ECI1: variants seen among roughly 807,000 people sequenced by gnomAD.
ECI1 encodes the protein enoyl-CoA delta isomerase 1.
Under a neutral mutation model 34.2 loss-of-function variants are expected in ECI1, and 34 were observed. That is an observed-to-expected ratio of 1.00 (90% CI 0.76 to 1.33). ECI1 has a LOEUF of 1.33. ECI1 is among the 40% of genes most tolerant of loss of function. ECI1 has a pLI of 0.00. For missense variants in ECI1, 456 were observed against 422.2 expected (o/e 1.08, Z -0.70); for synonymous variants, 211 against 193.0 (o/e 1.09, Z -0.77).
Position 2,239,842 on chromosome 16 carries a change from A to G in ECI1, c.*137T>C, listed in dbSNP as rs990091271. 1.0e-6 allele frequency: 1 copy of G among 962,210 alleles called. No individual in the cohort carries two copies. The allele number at this position is 962,210 out of a possible 1,614,324, so 59.6% of individuals were successfully genotyped here. A position where few individuals can be genotyped will look rare whatever the true frequency, so the allele number is the denominator to read the frequency against. On this transcript the variant is annotated 3_prime_UTR_variant, in exon 7 of 7. Transcript: ENST00000301729. Reference sequence around the variant, plus strand: ...TGGCTGGGCCTTGGGCCACTGGGCTATGAGGAACAGGAACTTCTACGTAAC... The same window carrying G: ...TGGCTGGGCCTTGGGCCACTGGGCTGTGAGGAACAGGAACTTCTACGTAAC...
At chr16:2,244,308 C>T in intron 4 of ECI1, 98 bp downstream of exon 4, 3 of 1,398,226 alleles carry the variant, frequency 2.1e-6, no homozygotes, top group East Asian at 2.4e-5. Flanking sequence ...CCGTCCCCTT[C>T]CCCTGTGAGA....
At position 2,239,740 on chromosome 16, in the gene ECI1, G is replaced by C. The variant is rs1228859122; in HGVS notation, c.*239C>G. On this transcript the variant is annotated 3_prime_UTR_variant, in exon 7 of 7. Coordinates refer to ENST00000301729, the MANE Select transcript of ECI1 (RefSeq NM_001919.4). ...AGGTCCAGAATGGCATCCCCTGCCA[G>C]TCACAATCCCAAGTCAAAAGGCTGC... The C allele has an allele frequency of 7.2e-6, 4 of 556,054 alleles. No homozygotes were observed. In the African/African-American group the frequency reaches 7.6e-5, roughly 11 times the overall value. The allele number at this position is 556,054 out of a possible 1,614,324, so 34.4% of individuals were successfully genotyped here.
At chr16:2,245,263 A>AC (rs1170364489) in intron 3 of ECI1, among the ~76,000 whole-genome samples, 2 of 152,020 alleles carry the variant, frequency 1.3e-5, no homozygotes, top group Admixed American at 6.6e-5. Flanking sequence ...CGAGGGCCAG[A>AC]CCCCCCAAGG....
intron 3 of ECI1, among the ~76,000 whole-genome samples, chr16:2,245,927 T>C (rs1311140258): frequency 2.0e-5 from 3 of 152,150 alleles, no homozygotes; most frequent in South Asian, 4.1e-4. Flanking sequence ...ATCACGTCAC[T>C]GTACTCCAGC....
rs973347360 is a variant in ECI1 at position 2,239,700 on chromosome 16, C to T, written c.*279G>A. On this transcript the variant is annotated 3_prime_UTR_variant, in exon 7 of 7. Coordinates refer to ENST00000301729, the MANE Select transcript of ECI1 (RefSeq NM_001919.4). The stretch of plus-strand genomic sequence containing the variant: ...TTCTGCCTTGGGAACAGAGACACTC[C>T]GTGGCAACCTCACCAGGTCCAGAAT... 1.5e-5 allele frequency: 7 copies of T among 475,960 alleles called. No homozygotes were observed. The highest frequency in any genetic ancestry group is 5.9e-5 in the African/African-American group (3 of 50,836). 29.5% of individuals were successfully genotyped at this position (475,960 alleles called of 1,614,324 possible). A position where few individuals can be genotyped will look rare whatever the true frequency, so the allele number is the denominator to read the frequency against.
In ECI1 at chr16:2,239,730, T is replaced by A; in HGVS notation, c.*249A>T. ...CAACCTCACCAGGTCCAGAATGGCA[T>A]CCCCTGCCAGTCACAATCCCAAGTC... On this transcript the variant is annotated 3_prime_UTR_variant, in exon 7 of 7. Coordinates refer to ENST00000301729, the MANE Select transcript of ECI1 (RefSeq NM_001919.4). 1 of 539,074 alleles carries A rather than the reference T, an allele frequency of 1.9e-6. No homozygotes were observed. The highest frequency in any genetic ancestry group is 2.0e-5 in the South Asian group (1 of 50,242). 33.4% of individuals were successfully genotyped at this position (539,074 alleles called of 1,614,324 possible).
intron 1 of ECI1, 33 bp downstream of exon 1, chr16:2,251,482 C>G (rs1189023653): frequency 6.5e-7 from 1 of 1,549,598 alleles, no homozygotes; most frequent in Non-Finnish European, 8.7e-7. Context: ...GCCCCGGCCC[C>G]GGCCCGATCC....
chr16:2,242,540 T>C (rs927625125), intron 6 of ECI1: 2 of 181,014 alleles, frequency 1.1e-5, no homozygotes, highest in African/African-American at 4.7e-5. Flanking sequence ...CCCTAACCAC[T>C]GCTCTGGAAC....
chr16:2,249,876 C>CAAAAA (rs869259386), intron 2 of ECI1, among the ~76,000 whole-genome samples: 2,427 of 20,342 alleles, frequency 0.12, 815 homozygotes, highest in Admixed American at 0.17. Flanking sequence ...GACTCCGTCT[C>CAAAAA]AAAAAAAAAA....
intron 3 of ECI1, among the ~76,000 whole-genome samples, chr16:2,246,149 C>T (rs982955253): frequency 6.6e-6 from 1 of 152,214 alleles, no homozygotes; most frequent in African/African-American, 2.4e-5. Flanking sequence ...CCTGACACTG[C>T]TTACTGCCCC....
intron 4 of ECI1, among the ~76,000 whole-genome samples, chr16:2,243,809 G>GC (rs1247211242): frequency 6.6e-6 from 1 of 152,314 alleles, no homozygotes; most frequent in Non-Finnish European, 1.5e-5. Flanking sequence ...CCCCAAGGGG[G>GC]CCCCGATACC....
chr16:2,249,774 C>A (rs544145747), intron 2 of ECI1, among the ~76,000 whole-genome samples: 3 of 139,356 alleles, frequency 2.2e-5, no homozygotes, highest in South Asian at 4.9e-4. Flanking sequence ...GCTACTTGGG[C>A]GGCTGAGGTA....
chr16:2,240,056 C>G lies in ECI1; in HGVS notation c.832G>C (p.Val278Leu). 6.2e-7 allele frequency: 1 copy of G among 1,613,980 alleles called. No homozygotes were observed. Among genetic ancestry groups the G allele is most frequent in the Non-Finnish European group, 8.5e-7 (1 of 1,180,022 alleles). Residue 278 changes from valine to leucine, a missense_variant, in exon 7 of 7, where the codon GTC (valine) becomes CTC (leucine). By Grantham distance (32) the Val-to-Leu change is conservative (BLOSUM62 1). Transcript: ENST00000301729. ...ATGGAGTCTTTGGAGATGAAGCTGA[C>G]GAAGTTCTGCACGTCCGCATCGCGC... ...TQRDADVQNF[V>L]SFISKDSIQK...
Position 2,246,994 on chromosome 16 carries a change from A to G in ECI1, c.167-8T>C. On this transcript the variant is annotated splice_polypyrimidine_tract_variant and splice_region_variant and intron_variant, in intron 2 of 6. Coordinates refer to ENST00000301729, the MANE Select transcript of ECI1 (RefSeq NM_001919.4). The stretch of plus-strand genomic sequence containing the variant: ...ATTTCATCACAGCGACCCCTAATTT[A>G]AAGAATGAGAAGAGAAAGCTCACAC... 1 of 1,612,472 alleles carries G rather than the reference A, an allele frequency of 6.2e-7. No individual in the cohort carries two copies.
chr16:2,250,279 A>G (rs939690662), intron 2 of ECI1, among the ~76,000 whole-genome samples: 1 of 150,054 alleles, frequency 6.7e-6, no homozygotes, highest in Non-Finnish European at 1.5e-5. Context: ...AAAAAAAAAA[A>G]AAAAAAAGTC....
At chr16:2,249,876 CAAAAAAAAAAAAAAAA>C (rs869259386) in intron 2 of ECI1, among the ~76,000 whole-genome samples, 3 of 20,350 alleles carry the variant, frequency 1.5e-4, no homozygotes, top group South Asian at 7.4e-3. Context: ...GACTCCGTCT[CAAAAAAAAAAAAAAAA>C]AAAAAAAAAA....
chr16:2,239,615 T>C lies in ECI1; in HGVS notation c.*364A>G, dbSNP rs969992663. ...TCATGGGGGCCAAGACCACCTGGCC[T>C]TACACCTAAGAGCAGGCAGTCCAAA... On this transcript the variant is annotated 3_prime_UTR_variant, in exon 7 of 7. Transcript: ENST00000301729. The C allele has an allele frequency of 2.2e-5, 8 of 358,770 alleles. No individual in the cohort carries two copies. Among genetic ancestry groups the C allele is most frequent in the Non-Finnish European group, 3.3e-5 (6 of 184,334 alleles). The allele number at this position is 358,770 out of a possible 1,614,324, so 22.2% of individuals were successfully genotyped here.
At chr16:2,249,356 C>T (rs1004436112) in intron 2 of ECI1, among the ~76,000 whole-genome samples, 13 of 152,014 alleles carry the variant, frequency 8.6e-5, no homozygotes, top group African/African-American at 3.1e-4. Context: ...GACTCAAAAA[C>T]ATGTTATCTT....
chr16:2,245,092 C>A (rs562643009), intron 3 of ECI1, among the ~76,000 whole-genome samples: 3 of 152,132 alleles, frequency 2.0e-5, no homozygotes, highest in Admixed American at 2.0e-4. Context: ...GAGTAGCGGG[C>A]GCCAGCACAG....
Sources: gnomAD v4.1 joint callset for allele counts (sites outside exome capture counted in the v4.1 genomes callset) on GRCh38, gnomAD v4.1.1 for gene constraint, MANE v1.5 for transcripts, NCBI Gene and HGNC (gene_info 2026-07-23, HGNC 2026-07-21) for gene names.